IRF9: variants seen among roughly 807,000 people sequenced by gnomAD.
IRF9 encodes the protein IFN-alpha-responsive transcription factor subunit.
A neutral mutation model predicts 44.1 loss-of-function variants in IRF9; 13 were observed. That is an observed-to-expected ratio of 0.29 (90% CI 0.19 to 0.47). The LOEUF (loss-of-function observed/expected upper bound fraction) is 0.47, where lower values mean the gene tolerates loss of function less well. Among genes scored for constraint, IRF9 ranks in the 20% least tolerant of loss-of-function variants. The pLI, the probability that IRF9 is intolerant of heterozygous loss-of-function variation, is 1.00. For missense variants in IRF9, 373 were observed against 496.1 expected, an observed-to-expected ratio of 0.75 and a Z score of 2.36; for synonymous variants, 189 against 188.5, an observed-to-expected ratio of 1.00 and a Z score of -0.02.
intron 4 of IRF9, 110 bp downstream of exon 4, chr14:24,163,618 C>A: frequency 1.5e-6 from 2 of 1,325,830 alleles, no homozygotes; most frequent in Non-Finnish European, 2.1e-6. Context: ...TGGCAGATCA[C>A]GTGAGGTCAG....
rs377714819 is a variant in IRF9 at position 24,164,788 on chromosome 14, T to C, written c.824T>C (p.Leu275Pro). 3.2e-5 allele frequency: 51 copies of C among 1,610,524 alleles called. 1 individual carries two copies. The highest frequency in any genetic ancestry group is 1.3e-5 in the African/African-American group (1 of 74,916). Residue 275 changes from leucine (L) to proline (P), a missense_variant, in exon 7 of 9, where the codon CTT becomes CCT. By Grantham distance (98) the Leu-to-Pro change is moderately conservative. Around this residue, in one of 2 missense-constraint regions of IRF9, gnomAD observed 146 missense variants for 240.8 expected, o/e 0.61. Coordinates refer to ENST00000396864, the MANE Select transcript of IRF9 (RefSeq NM_006084.5). This position sits in a 1 kb window ranked among gnomAD's most constrained non-coding sequence, Gnocchi z 5.2. The part of the protein sequence containing the change: ...LEPTQRLLSQ[L>P]ERGILVASNP... ...CCCACGCAGCGCCTGCTGAGCCAGC[T>C]TGAGAGGGGCATCCTAGTGGCCAGC...
chr14:24,161,879 G>A (rs1013520455), intron 1 of IRF9, among the ~76,000 whole-genome samples: 2 of 152,140 alleles, frequency 1.3e-5, no homozygotes, highest in African/African-American at 4.8e-5. Context: ...AGTGCCCAAG[G>A]TTTCCTTCCA....
Position 24,162,539 on chromosome 14 carries a change from C to G in IRF9, c.180+215C>G. 5.7e-6 allele frequency: 3 copies of G among 528,476 alleles called. No individual in the cohort carries two copies. In the South Asian group the frequency reaches 7.1e-5, roughly 13 times the overall value. 32.7% of individuals were successfully genotyped at this position (528,476 alleles called of 1,614,324 possible). Reference sequence around the variant, plus strand: ...GATATTGGCCAGGCACGGTGGCTCACGCCTGTAATCCCAGCACTTCGGGAG... The same window carrying G: ...GATATTGGCCAGGCACGGTGGCTCAGGCCTGTAATCCCAGCACTTCGGGAG... On this transcript the variant is annotated intron_variant, in intron 2 of 8. Coordinates refer to ENST00000396864, the MANE Select transcript of IRF9 (RefSeq NM_006084.5).
chr14:24,163,824 T>C (rs2038489281), intron 4 of IRF9, 54 bp from the exon 5 acceptor site: 1 of 1,531,810 alleles, frequency 6.5e-7, no homozygotes, highest in Non-Finnish European at 8.8e-7. Context: ...GCAACAAGAG[T>C]GAAACTCTGT....
At position 24,164,754 on chromosome 14, in the gene IRF9, C is replaced by T; in HGVS notation, c.790C>T (p.Pro264Ser). 6.2e-7 allele frequency: 1 copy of T among 1,611,834 alleles called. No individual in the cohort carries two copies. Reference sequence around the variant, plus strand: ...GCAGGTGCTGTTCCCCAAGCCTGGCCCACTGGAGCCCACGCAGCGCCTGCT... The same window carrying T: ...GCAGGTGCTGTTCCCCAAGCCTGGCTCACTGGAGCCCACGCAGCGCCTGCT... ...MEQVLFPKPG[P>S]LEPTQRLLSQ... The change falls in exon 7 of 9, where the codon CCA becomes TCA. Residue 264 changes from proline to serine, a missense_variant. Physicochemically the swap from Pro to Ser is moderately conservative, Grantham distance 74 (BLOSUM62 -1). This residue lies in a region of IRF9 where 146 missense variants were observed against 240.8 expected (regional missense o/e 0.61). Transcript: ENST00000396864. This position sits in a 1 kb window ranked among gnomAD's most constrained non-coding sequence, Gnocchi z 5.2.
In IRF9 at chr14:24,162,997, A is replaced by G; in HGVS notation, c.212A>G (p.Glu71Gly). ...AWAIFKGKYK[E>G]GDTGGPAVWK... Reference sequence around the variant, plus strand: ...GCAATATTTAAGGGAAAGTATAAGGAGGGGGACACAGGAGGTCCAGCTGTC... The same window carrying G: ...GCAATATTTAAGGGAAAGTATAAGGGGGGGGACACAGGAGGTCCAGCTGTC... Residue 71 changes from glutamate (E) to glycine (G), a missense_variant, in exon 3 of 9, where the codon GAG becomes GGG. Glu to Gly is a moderately conservative substitution (Grantham distance 98, BLOSUM62 -2). Transcript: ENST00000396864. 1 of 1,613,944 alleles carries G rather than the reference A, an allele frequency of 6.2e-7. No individual in the cohort carries two copies. The highest frequency in any genetic ancestry group is 1.1e-5 in the South Asian group (1 of 91,062).
intron 3 of IRF9, 90 bp downstream of exon 3, chr14:24,163,239 C>T: frequency 6.4e-7 from 1 of 1,555,158 alleles, no homozygotes; most frequent in African/African-American, 1.4e-5. Context: ...TATAGCTCTG[C>T]CCTGTCCATG....
intron 4 of IRF9, 182 bp from the exon 5 acceptor site, chr14:24,163,696 T>G (rs2139104102): frequency 2.3e-6 from 2 of 861,112 alleles, no homozygotes; most frequent in East Asian, 5.3e-5. Context: ...AAATTAGCTG[T>G]GCGTTGTGGC....
chr14:24,161,801 C>A (rs2236350), intron 1 of IRF9, among the ~76,000 whole-genome samples: 13,278 of 152,188 alleles, frequency 0.087, 864 homozygotes, highest in East Asian at 0.35. Context: ...GGGCCTGTCA[C>A]CAGGAACGAT....
chr14:24,162,521 G>C (rs2038471851), intron 2 of IRF9, 197 bp downstream of exon 2: 1 of 579,032 alleles, frequency 1.7e-6, no homozygotes, highest in African/African-American at 1.9e-5. Flanking sequence ...AGGGATATTG[G>C]CCAGGCACGG....
chr14:24,162,382 T>TCCC, intron 2 of IRF9, 58 bp downstream of exon 2: 3 of 1,495,372 alleles, frequency 2.0e-6, no homozygotes, highest in Non-Finnish European at 1.8e-6. Context: ...TACACACTGG[T>TCCC]ACACTCATCC....
In IRF9 at chr14:24,164,175, T is replaced by G. The variant is rs1220830286; in HGVS notation, c.649+41T>G. ...GACTTTCTCCTGTGCCCTGTGCCCC[T>G]GAGGTCTTCCACCTTTGACTATGCA... On this transcript the variant is annotated intron_variant, in intron 6 of 8. Transcript: ENST00000396864. This position sits in a 1 kb window ranked among gnomAD's most constrained non-coding sequence, Gnocchi z 5.2. The G allele has an allele frequency of 5.2e-6, 8 of 1,550,348 alleles. No individual in the cohort carries two copies. The highest frequency in any genetic ancestry group is 7.1e-6 in the Non-Finnish European group (8 of 1,122,192).
At position 24,166,322 on chromosome 14, in the gene IRF9, TG is replaced by T; in HGVS notation, c.*127del. ...TCTCAGTAGTTGTCCGTGATAATCG[TG>T]TCCTGAAAATCCTCGCACACACTGG... On this transcript the variant is annotated 3_prime_UTR_variant, in exon 9 of 9. Coordinates refer to ENST00000396864, the MANE Select transcript of IRF9 (RefSeq NM_006084.5). 1.2e-6 allele frequency: 1 copy of T among 864,018 alleles called. No homozygotes were observed. Among genetic ancestry groups the T allele is most frequent in the Non-Finnish European group, 1.9e-6 (1 of 534,166 alleles). 53.5% of individuals were successfully genotyped at this position (864,018 alleles called of 1,614,324 possible).
chr14:24,164,410 T>G lies in IRF9; in HGVS notation c.650-204T>G, dbSNP rs1176190729. On this transcript the variant is annotated intron_variant, in intron 6 of 8. Coordinates refer to ENST00000396864, the MANE Select transcript of IRF9 (RefSeq NM_006084.5). This position sits in a 1 kb window ranked among gnomAD's most constrained non-coding sequence, Gnocchi z 5.2. ...AACAGAGGCCCAATCTCAAGGGACCTTCTAGTAAACTACAAGCCCCTGGGC... is the reference window on the plus strand; with the variant it reads ...AACAGAGGCCCAATCTCAAGGGACCGTCTAGTAAACTACAAGCCCCTGGGC... 3.3e-6 allele frequency: 2 copies of G among 609,114 alleles called. No homozygotes were observed. The highest frequency in any genetic ancestry group is 5.7e-6 in the Non-Finnish European group (2 of 347,926). The allele number at this position is 609,114 out of a possible 1,614,324, so 37.7% of individuals were successfully genotyped here.
chr14:24,164,207 A>G lies in IRF9; in HGVS notation c.649+73A>G, dbSNP rs1186122334. On this transcript the variant is annotated intron_variant, in intron 6 of 8. Transcript: ENST00000396864. This position sits in a 1 kb window ranked among gnomAD's most constrained non-coding sequence, Gnocchi z 5.2. ...TTCCACCTTTGACTATGCATGCATTATCTAGTCAGTCAGGGCTTACAGCAA... is the reference window on the plus strand; with the variant it reads ...TTCCACCTTTGACTATGCATGCATTGTCTAGTCAGTCAGGGCTTACAGCAA... The G allele has an allele frequency of 8.0e-7, 1 of 1,252,168 alleles. No individual in the cohort carries two copies. The highest frequency in any genetic ancestry group is 1.5e-5 in the African/African-American group (1 of 67,758). The allele number at this position is 1,252,168 out of a possible 1,614,324, so 77.6% of individuals were successfully genotyped here.
intron 4 of IRF9, 109 bp from the exon 5 acceptor site, chr14:24,163,769 G>T: frequency 8.7e-7 from 1 of 1,146,826 alleles, no homozygotes; most frequent in Admixed American, 2.8e-5. Context: ...ACCGGGGGGC[G>T]GAGATAGCAG....
intron 2 of IRF9, 110 bp downstream of exon 2, chr14:24,162,434 T>C (rs1445459278): frequency 2.1e-5 from 23 of 1,072,924 alleles, no homozygotes; most frequent in African/African-American, 4.8e-5. Context: ...AAGGGACAGA[T>C]TGGAGAGGAA....
chr14:24,164,534 G>T lies in IRF9; in HGVS notation c.650-80G>T. 1 of 1,344,838 alleles carries T rather than the reference G, an allele frequency of 7.4e-7. No individual in the cohort carries two copies. Among genetic ancestry groups the T allele is most frequent in the Non-Finnish European group, 1.0e-6 (1 of 976,002 alleles). 83.3% of individuals were successfully genotyped at this position (1,344,838 alleles called of 1,614,324 possible). A position where few individuals can be genotyped will look rare whatever the true frequency, so the allele number is the denominator to read the frequency against. ...CCCCCTGGCTGGTGTGGGGAGGGGAGGTGGAGTTGTTCCCCTGGGGAGGGG... is the reference window on the plus strand; with the variant it reads ...CCCCCTGGCTGGTGTGGGGAGGGGATGTGGAGTTGTTCCCCTGGGGAGGGG... On this transcript the variant is annotated intron_variant, in intron 6 of 8. Transcript: ENST00000396864. The surrounding 1 kb of genome is among the most constrained non-coding windows in gnomAD (Gnocchi z 5.2).
At chr14:24,162,454 C>T in intron 2 of IRF9, 130 bp downstream of exon 2, 2 of 907,074 alleles carry the variant, frequency 2.2e-6, no homozygotes, top group Non-Finnish European at 3.3e-6. Context: ...AAACTAGCTG[C>T]ATCATTTGCA....
Sources: allele counts gnomAD v4.1 joint callset (sites outside exome capture counted in the v4.1 genomes callset), GRCh38; gene constraint gnomAD v4.1.1; regional missense constraint gnomAD v4.1.1; non-coding constraint Gnocchi (gnomAD v3.1); transcripts MANE v1.5; gene names NCBI Gene and HGNC (gene_info 2026-07-23, HGNC 2026-07-21).